BRAP: variants seen among roughly 807,000 people sequenced by gnomAD.
BRAP encodes the protein BRCA1 associated protein, also known as BRCA1-associated protein.
BRAP carries 42 observed loss-of-function variants against 73.4 expected under a neutral mutation model. The observed-to-expected ratio is 0.57, with a 90% CI of 0.45 to 0.74. BRAP has a LOEUF of 0.74. Ranked by LOEUF, BRAP falls within the 30% of genes least tolerant of loss-of-function variation. The probability of loss-of-function intolerance (pLI) is 0.00; values close to 1 mark genes in which losing one functional copy is unlikely to be tolerated. For missense variants in BRAP, 593 were observed against 751.4 expected, an observed-to-expected ratio of 0.79 and a Z score of 2.46; for synonymous variants, 255 against 267.4, an observed-to-expected ratio of 0.95 and a Z score of 0.45.
chr12:111,654,092 T>C (rs907231526), intron 10 of BRAP, among the ~76,000 whole-genome samples: 1 of 152,190 alleles, frequency 6.6e-6, no homozygotes, highest in Non-Finnish European at 1.5e-5. Context: ...GAGCTGCCAA[T>C]GCACTTCCCG....
chr12:111,685,330 A>T (rs972155483), intron 1 of BRAP, among the ~76,000 whole-genome samples: 1 of 152,258 alleles, frequency 6.6e-6, no homozygotes, highest in Non-Finnish European at 1.5e-5. Context: ...TTCAATGGAT[A>T]TCGTTCCAAA....
At chr12:111,684,755 A>C (rs1449516472) in intron 1 of BRAP, among the ~76,000 whole-genome samples, 5 of 148,202 alleles carry the variant, frequency 3.4e-5, no homozygotes, top group Non-Finnish European at 5.9e-5. Flanking sequence ...CGCAACCTCC[A>C]CCTCCCGGGT....
intron 1 of BRAP, among the ~76,000 whole-genome samples, chr12:111,683,993 AC>A (rs1318389233): frequency 7.2e-5 from 11 of 152,240 alleles, no homozygotes; most frequent in Non-Finnish European, 8.8e-5. Context: ...CATTAAAAAA[AC>A]AAAATTTCAA....
intron 5 of BRAP, among the ~76,000 whole-genome samples, chr12:111,668,642 ATTCT>A (rs1175060120): frequency 6.6e-5 from 10 of 151,034 alleles, no homozygotes; most frequent in African/African-American, 2.5e-4. Flanking sequence ...ATTAAAAAGA[ATTCT>A]TTTTTTTTTT....
intron 9 of BRAP, among the ~76,000 whole-genome samples, chr12:111,656,706 G>A (rs1365388304): frequency 1.3e-5 from 2 of 152,110 alleles, no homozygotes; most frequent in Admixed American, 6.6e-5. Flanking sequence ...TAGCACCAGT[G>A]GCTGACAGCA....
chr12:111,654,007 A>C (rs756939851), intron 10 of BRAP, among the ~76,000 whole-genome samples: 9 of 152,188 alleles, frequency 5.9e-5, no homozygotes, highest in South Asian at 4.1e-4. Context: ...GCTTAGCTTC[A>C]AGGGTCTGGA....
intron 4 of BRAP, among the ~76,000 whole-genome samples, chr12:111,675,094 G>A (rs1887329602): frequency 6.6e-6 from 1 of 151,886 alleles, no homozygotes; most frequent in African/African-American, 2.4e-5. Context: ...AACCCCATCT[G>A]TACAAAAAAT....
At chr12:111,670,044 T>C (rs1887108680) in intron 5 of BRAP, 2 of 630,420 alleles carry the variant, frequency 3.2e-6, no homozygotes, top group Non-Finnish European at 6.1e-6. Context: ...TTCATCTTCA[T>C]TAAAAGCTGC....
chr12:111,681,313 T>C (rs951536546), intron 3 of BRAP, among the ~76,000 whole-genome samples: 1 of 151,562 alleles, frequency 6.6e-6, no homozygotes, highest in Admixed American at 6.6e-5. Flanking sequence ...GAAGATGCAG[T>C]GATCTGAGAT....
At chr12:111,676,151 TAC>T (rs1887372908) in intron 4 of BRAP, among the ~76,000 whole-genome samples, 1 of 151,914 alleles carries the variant, frequency 6.6e-6, no homozygotes, top group Non-Finnish European at 1.5e-5. Flanking sequence ...GTGTTGGGAT[TAC>T]AGACATGAGC....
At chr12:111,663,456 AAATAAT>A (rs974004568) in intron 6 of BRAP, among the ~76,000 whole-genome samples, 8 of 152,224 alleles carry the variant, frequency 5.3e-5, no homozygotes, top group Admixed American at 2.6e-4. Context: ...CCATCTCAAA[AAATAAT>A]AATAATAATA....
rs116097877 is a variant in BRAP, at chr12:111,664,357, G to A, written c.896+1282C>T. 2.5e-3 allele frequency among the ~76,000 whole-genome samples: 378 copies of A among 152,186 alleles called. 2 individuals carry two copies. Among genetic ancestry groups the A allele is most frequent in the African/African-American group, 8.8e-3 (364 of 41,532 alleles). On this transcript the variant is annotated intron_variant, in intron 6 of 11. Transcript: ENST00000419234. ...AAAAAAAAAGTAAAACTGGAGTGGC[G>A]GGGAACAAAGAATTGCCTAGAACTT...
At chr12:111,646,943 C>T (rs1029970405) in intron 11 of BRAP, among the ~76,000 whole-genome samples, 1 of 152,108 alleles carries the variant, frequency 6.6e-6, no homozygotes, top group Non-Finnish European at 1.5e-5. Flanking sequence ...CACAACTTGA[C>T]ACAATCAATA....
chr12:111,665,850 C>A lies in BRAP; in HGVS notation c.748-63G>T, dbSNP rs1475337677. ...TACCAGCAATACTTTATTTTTCCTT[C>A]TTTTTTCTGAGACAGGGTCTCGCTC... On this transcript the variant is annotated intron_variant, in intron 5 of 11. Coordinates refer to ENST00000419234, the MANE Select transcript of BRAP (RefSeq NM_006768.5). The surrounding 1 kb of genome is among the most constrained non-coding windows in gnomAD (Gnocchi z 4.3). 33 of 1,600,046 alleles carry A rather than the reference C, an allele frequency of 2.1e-5. No homozygotes were observed. Among genetic ancestry groups the A allele is most frequent in the South Asian group, 1.9e-4 (17 of 90,496 alleles).
At chr12:111,678,600 T>C (rs1272402378) in intron 4 of BRAP, among the ~76,000 whole-genome samples, 3 of 150,926 alleles carry the variant, frequency 2.0e-5, no homozygotes, top group African/African-American at 7.3e-5. Context: ...GAGGTTGCAG[T>C]GAGCCGATAC....
intron 1 of BRAP, among the ~76,000 whole-genome samples, chr12:111,684,387 T>C (rs747881566): frequency 3.3e-5 from 5 of 152,242 alleles, no homozygotes; most frequent in Non-Finnish European, 5.9e-5. Flanking sequence ...ATATTCAATC[T>C]TTAATTTGCA....
chr12:111,660,041 TCCAGCCTGGGTAACAGAATGATA>T (rs1271408551), intron 7 of BRAP, among the ~76,000 whole-genome samples: 12 of 150,730 alleles, frequency 8.0e-5, no homozygotes, highest in African/African-American at 2.9e-4. Context: ...GCCACTGCAC[TCCAGCCTGGGTAACAGAATGATA>T]CCCTGTCTCA....
chr12:111,671,347 C>T (rs1024734183), intron 5 of BRAP, among the ~76,000 whole-genome samples: 15 of 151,844 alleles, frequency 9.9e-5, no homozygotes, highest in African/African-American at 1.5e-4. Flanking sequence ...GCCAGGAGTT[C>T]GAGACTAGCC....
At chr12:111,655,055 A>G (rs1387854994) in intron 10 of BRAP, among the ~76,000 whole-genome samples, 2 of 152,162 alleles carry the variant, frequency 1.3e-5, no homozygotes, top group Non-Finnish European at 2.9e-5. Context: ...TAATTTTGCT[A>G]AAGTAGTGAA....
Sources: allele counts gnomAD v4.1 joint callset (sites outside exome capture counted in the v4.1 genomes callset), GRCh38; gene constraint gnomAD v4.1.1; non-coding constraint Gnocchi (gnomAD v3.1); transcripts MANE v1.5; gene names NCBI Gene and HGNC (gene_info 2026-07-23, HGNC 2026-07-21).